Variants in TTC29 observed in about 807,000 individuals in gnomAD.
TTC29 encodes the protein tetratricopeptide repeat domain 29.
Under a neutral mutation model 58.1 loss-of-function variants are expected in TTC29, and 49 were observed. That is an observed-to-expected ratio of 0.84 (90% confidence interval 0.67 to 1.07). The LOEUF (loss-of-function observed/expected upper bound fraction) is 1.07. Ranked by LOEUF, TTC29 falls within the 50% of genes least tolerant of loss-of-function variation. The probability of loss-of-function intolerance (pLI) is 0.00; values close to 1 mark genes in which losing one functional copy is unlikely to be tolerated. For missense variants in TTC29, 582 were observed against 555.6 expected, an observed-to-expected ratio of 1.05 and a Z score of -0.48; for synonymous variants, 209 against 196.8, an observed-to-expected ratio of 1.06 and a Z score of -0.52.
intron 11 of TTC29, among the ~76,000 whole-genome samples, chr4:146,746,421 T>C (rs1429107220): frequency 1.3e-5 from 2 of 152,202 alleles, no homozygotes; most frequent in South Asian, 4.1e-4. Flanking sequence ...GTCAACATTA[T>C]GATGTTAGGT....
At chr4:146,817,857 T>C (rs572689107) in intron 10 of TTC29, among the ~76,000 whole-genome samples, 1 of 152,320 alleles carries the variant, frequency 6.6e-6, no homozygotes, top group South Asian at 2.1e-4. Context: ...TAATACATGA[T>C]GCTGGGAAAA....
intron 12 of TTC29, 33 bp from the exon 13 acceptor site, chr4:146,707,221 A>C (rs1204274732): frequency 2.2e-6 from 3 of 1,366,590 alleles, no homozygotes; most frequent in Non-Finnish European, 3.0e-6. Context: ...TTTAACTTTT[A>C]TACTGGGCTA....
chr4:146,760,196 A>G (rs1034157027), intron 11 of TTC29, among the ~76,000 whole-genome samples: 4 of 152,062 alleles, frequency 2.6e-5, no homozygotes, highest in Non-Finnish European at 2.9e-5. Context: ...AACAGCTGCA[A>G]AAAATTTAAA....
At chr4:146,901,726 A>T (rs1733160290) in intron 6 of TTC29, among the ~76,000 whole-genome samples, 1 of 152,228 alleles carries the variant, frequency 6.6e-6, no homozygotes, top group South Asian at 2.1e-4. Context: ...GTCTCACCTT[A>T]TAATAGATAA....
rs375047531 is a variant in TTC29, at chr4:146,810,940, T to A, written c.1102-7255A>T. On this transcript the variant is annotated intron_variant, in intron 10 of 12. Transcript: ENST00000325106. ...TTAGTTAATGGATGGTGAAAATAAA[T>A]GTATCTATCCTCTAATTCGTTTACT... 1.5e-4 allele frequency among the ~76,000 whole-genome samples: 23 copies of A among 152,292 alleles called. No homozygotes were observed. The South Asian group carries it at 4.4e-3, about 29-fold the overall frequency.
chr4:146,916,157 C>T (rs866383467), intron 4 of TTC29, among the ~76,000 whole-genome samples: 12 of 151,534 alleles, frequency 7.9e-5, no homozygotes, highest in East Asian at 3.9e-4. Flanking sequence ...CTATCTTTTT[C>T]GGTGTAGATA....
intron 6 of TTC29, among the ~76,000 whole-genome samples, chr4:146,876,676 C>A (rs1456819399): frequency 6.6e-6 from 1 of 152,122 alleles, no homozygotes; most frequent in African/African-American, 2.4e-5. Context: ...GTGGCTCACG[C>A]CTATAATCCC....
chr4:146,842,442 T>C (rs1422910192), intron 8 of TTC29, among the ~76,000 whole-genome samples: 2 of 152,076 alleles, frequency 1.3e-5, no homozygotes, highest in African/African-American at 2.4e-5. Context: ...CACAGACTTA[T>C]AGAGAGTCAT....
rs539011942 is a variant in TTC29, at chr4:146,796,378, A to G, written c.1330+7079T>C. 1.2e-4 allele frequency among the ~76,000 whole-genome samples: 19 copies of G among 152,324 alleles called. No individual in the cohort carries two copies. In the East Asian group the frequency reaches 2.7e-3, roughly 22 times the overall value. ...ACAAAAAAAGGAATTCAGAGAGATC[A>G]TGTAGTCTAATCACCTCTGTTGCAC... On this transcript the variant is annotated intron_variant, in intron 11 of 12. Coordinates refer to ENST00000325106, the MANE Select transcript of TTC29 (RefSeq NM_031956.4).
chr4:146,826,699 C>A (rs377102892), intron 9 of TTC29, among the ~76,000 whole-genome samples: 2 of 152,014 alleles, frequency 1.3e-5, no homozygotes, highest in African/African-American at 2.4e-5. Flanking sequence ...TATCCTGAAG[C>A]GTATTTTCCA....
intron 6 of TTC29, among the ~76,000 whole-genome samples, chr4:146,900,267 G>T (rs1478951734): frequency 6.6e-6 from 1 of 152,188 alleles, no homozygotes; most frequent in Admixed American, 6.5e-5. Flanking sequence ...TAAGGGCATA[G>T]AAAAATATTT....
chr4:146,748,050 C>T (rs973841665), intron 11 of TTC29, among the ~76,000 whole-genome samples: 6 of 152,238 alleles, frequency 3.9e-5, no homozygotes, highest in South Asian at 2.1e-4. Context: ...GCTACTGCCA[C>T]GTCCCACCAT....
chr4:146,772,538 C>T (rs376308894), intron 11 of TTC29, among the ~76,000 whole-genome samples: 111 of 151,946 alleles, frequency 7.3e-4, no homozygotes, highest in African/African-American at 2.3e-3. Context: ...ATTGCAGGTG[C>T]GCAGCCTTAT....
At chr4:146,809,109 C>T (rs947773037) in intron 10 of TTC29, among the ~76,000 whole-genome samples, 1 of 149,828 alleles carries the variant, frequency 6.7e-6, no homozygotes, top group Non-Finnish European at 1.5e-5. Context: ...TGATCTTTGA[C>T]AAACCTGACA....
intron 11 of TTC29, among the ~76,000 whole-genome samples, chr4:146,766,138 G>C (rs1365951980): frequency 6.6e-6 from 1 of 152,040 alleles, no homozygotes. Context: ...ATATATTCTA[G>C]TGTATGAATG....
In TTC29 at chr4:146,809,464, G is replaced by A. The variant is rs539072826; in HGVS notation, c.1102-5779C>T. Among the ~76,000 whole-genome samples the A allele has an allele frequency of 4.7e-5, 7 of 149,604 alleles. No individual in the cohort carries two copies. The South Asian group carries it at 1.5e-3, about 32-fold the overall frequency. The stretch of plus-strand genomic sequence containing the variant: ...AGTGAACAGACAACCTACAGAATGG[G>A]AGAAAATTTTTGCAATCTAGCCAAC... On this transcript the variant is annotated intron_variant, in intron 10 of 12. Transcript: ENST00000325106.
In TTC29 at chr4:146,746,937, G is replaced by A. The variant is rs137986083; in HGVS notation, c.1331-39386C>T. On this transcript the variant is annotated intron_variant, in intron 11 of 12. Coordinates refer to ENST00000325106, the MANE Select transcript of TTC29 (RefSeq NM_031956.4). ...GAGAGTGCTGGAGTACAGCAAAGCA[G>A]CAGCAGAAATCCTGTAGAACACAGA... is the stretch of plus-strand genomic sequence containing the variant. Among the ~76,000 whole-genome samples, 267 of 152,262 alleles carry A rather than the reference G, an allele frequency of 1.8e-3. 4 individuals are homozygous for A. The highest frequency in any genetic ancestry group is 5.9e-3 in the African/African-American group (246 of 41,538).
chr4:146,891,117 A>T (rs921944065), intron 6 of TTC29, among the ~76,000 whole-genome samples: 1 of 152,174 alleles, frequency 6.6e-6, no homozygotes, highest in African/African-American at 2.4e-5. Context: ...GTAGATGAGT[A>T]GAGCAGAGCC....
At chr4:146,711,469 G>A (rs933840703) in intron 11 of TTC29, among the ~76,000 whole-genome samples, 3 of 152,056 alleles carry the variant, frequency 2.0e-5, no homozygotes, top group East Asian at 1.9e-4. Flanking sequence ...TAGCTACGCC[G>A]GTCCTGCCAT....
Sources: allele counts gnomAD v4.1 joint callset (sites outside exome capture counted in the v4.1 genomes callset), GRCh38; gene constraint gnomAD v4.1.1; transcripts MANE v1.5; gene names NCBI Gene and HGNC (gene_info 2026-07-23, HGNC 2026-07-21).